Variants in MPP7 observed in about 807,000 individuals in gnomAD.
The protein encoded by MPP7 is MAGUK p55 subfamily member 7.
A neutral mutation model predicts 76.5 loss-of-function variants in MPP7; 60 were observed. The observed-to-expected ratio is 0.78, with a 90% confidence interval of 0.64 to 0.97. The LOEUF (loss-of-function observed/expected upper bound fraction) is 0.97. Among genes scored for constraint, MPP7 ranks in the 50% least tolerant of loss-of-function variants. The pLI, the probability that MPP7 is intolerant of heterozygous loss-of-function variation, is 0.00. For missense variants in MPP7, 641 were observed against 694.0 expected, an observed-to-expected ratio of 0.92 and a Z score of 0.86; for synonymous variants, 237 against 244.5, an observed-to-expected ratio of 0.97 and a Z score of 0.29.
chr10:28,132,372 G>A (rs1036509881), intron 5 of MPP7, among the ~76,000 whole-genome samples: 17 of 152,054 alleles, frequency 1.1e-4, no homozygotes, highest in African/African-American at 4.1e-4. Context: ...AATTACTCAA[G>A]CCATCCTTGA....
chr10:28,171,766 G>A (rs1236496985), intron 3 of MPP7, among the ~76,000 whole-genome samples: 1 of 152,126 alleles, frequency 6.6e-6, no homozygotes, highest in African/African-American at 2.4e-5. Context: ...GGTATCAAAC[G>A]CCTGCACTTC....
intron 11 of MPP7, among the ~76,000 whole-genome samples, chr10:28,102,982 A>G (rs1415268288): frequency 6.6e-6 from 1 of 152,154 alleles, no homozygotes; most frequent in Non-Finnish European, 1.5e-5. Context: ...TCCTCCTCCC[A>G]CAAACATTCT....
chr10:28,084,673 T>C (rs139852144), intron 12 of MPP7, among the ~76,000 whole-genome samples: 22 of 152,322 alleles, frequency 1.4e-4, no homozygotes, highest in African/African-American at 4.8e-4. Context: ...AGAGACAATC[T>C]CTGAACTCTG....
chr10:28,080,031 A>G (rs1852685694), intron 12 of MPP7, among the ~76,000 whole-genome samples: 1 of 132,420 alleles, frequency 7.6e-6, no homozygotes, highest in Non-Finnish European at 1.6e-5. Flanking sequence ...TCAAACCCAG[A>G]AGGCAGAGGT....
At chr10:28,143,961 T>C (rs1835620250) in intron 5 of MPP7, among the ~76,000 whole-genome samples, 1 of 151,722 alleles carries the variant, frequency 6.6e-6, no homozygotes, top group Non-Finnish European at 1.5e-5. Context: ...CTTAGCTCAC[T>C]GAAACCTCCA....
chr10:28,147,346 G>T, intron 5 of MPP7, 137 bp downstream of exon 5: 1 of 644,432 alleles, frequency 1.6e-6, no homozygotes, highest in Non-Finnish European at 2.8e-6. Flanking sequence ...CTCATTAATA[G>T]GATTTAGGCT....
chr10:28,278,067 T>C (rs146794380), intron 1 of MPP7, among the ~76,000 whole-genome samples: 54 of 152,212 alleles, frequency 3.5e-4, no homozygotes, highest in African/African-American at 1.3e-3. Context: ...TAAATAACAA[T>C]TTTATATCCA....
chr10:28,169,283 G>A (rs1306012127), intron 3 of MPP7, among the ~76,000 whole-genome samples: 2 of 151,494 alleles, frequency 1.3e-5, no homozygotes, highest in African/African-American at 2.4e-5. Flanking sequence ...TTGAACCCAG[G>A]AATTCAGGAC....
At chr10:28,192,169 AACATGTATAAAATACCT>A (rs1224346990) in intron 3 of MPP7, among the ~76,000 whole-genome samples, 1 of 152,190 alleles carries the variant, frequency 6.6e-6, no homozygotes, top group Admixed American at 6.5e-5. Flanking sequence ...CTTGATGAAG[AACATGTATAAAATACCT>A]ACAGCTAAAA....
upstream of MPP7, among the ~76,000 whole-genome samples, chr10:28,335,164 A>T (rs1834505964): frequency 1.3e-5 from 2 of 152,340 alleles, no homozygotes; most frequent in South Asian, 4.1e-4. Context: ...TCCCCTTGAC[A>T]TGACACCTGC....
chr10:28,117,173 T>C (rs561550863), intron 11 of MPP7, among the ~76,000 whole-genome samples: 1 of 152,190 alleles, frequency 6.6e-6, no homozygotes, highest in South Asian at 2.1e-4. Context: ...AAAAGAGTAA[T>C]ACGAGCAATC....
chr10:28,260,745 T>C (rs959604334), intron 1 of MPP7, among the ~76,000 whole-genome samples: 65 of 142,432 alleles, frequency 4.6e-4, no homozygotes, highest in Non-Finnish European at 6.6e-4. Context: ...GCACTCCAGC[T>C]TGGGTAACAG....
intron 5 of MPP7, among the ~76,000 whole-genome samples, chr10:28,141,794 A>G (rs1488695169): frequency 1.3e-5 from 2 of 152,144 alleles, no homozygotes; most frequent in Admixed American, 6.5e-5. Context: ...AGAATTCCAA[A>G]TTTCTTCTGG....
intron 3 of MPP7, among the ~76,000 whole-genome samples, chr10:28,165,968 T>C (rs984127905): frequency 2.9e-5 from 4 of 135,910 alleles, no homozygotes; most frequent in Admixed American, 8.8e-5. Context: ...GAGGTTGCAG[T>C]GAGCCAAGAT....
chr10:28,298,605 T>C (rs4598572), intron 1 of MPP7, among the ~76,000 whole-genome samples: 15,674 of 152,218 alleles, frequency 0.1, 1,264 homozygotes, highest in East Asian at 0.41. Context: ...ATTTTTGGAA[T>C]GGTAGATGAG....
chr10:28,314,820 T>C (rs1040089217), intron 2 of MPP7, among the ~76,000 whole-genome samples: 4 of 152,106 alleles, frequency 2.6e-5, no homozygotes, highest in African/African-American at 9.7e-5. Context: ...AATCAGGAGA[T>C]TTCTTGGAAA....
chr10:28,109,399 CA>C (rs556330722), intron 11 of MPP7, among the ~76,000 whole-genome samples: 142 of 152,184 alleles, frequency 9.3e-4, no homozygotes, highest in African/African-American at 3.3e-3. Context: ...GTCCAGATGC[CA>C]TTAATTGTGT....
intron 11 of MPP7, among the ~76,000 whole-genome samples, chr10:28,102,739 C>T (rs1853883575): frequency 6.6e-6 from 1 of 152,166 alleles, no homozygotes; most frequent in Non-Finnish European, 1.5e-5. Context: ...CTCAGTTCTA[C>T]CATCAAAATA....
chr10:28,059,568 A>G, intron 14 of MPP7, 82 bp downstream of exon 14: 1 of 767,484 alleles, frequency 1.3e-6, no homozygotes, highest in Non-Finnish European at 2.2e-6. Flanking sequence ...CTTCAAATGG[A>G]GAACTCTCAG....
Sources: gnomAD v4.1 joint callset for allele counts (sites outside exome capture counted in the v4.1 genomes callset) on GRCh38, gnomAD v4.1.1 for gene constraint, MANE v1.5 for transcripts, NCBI Gene and HGNC (gene_info 2026-07-23, HGNC 2026-07-21) for gene names.